Variants in SMG1 observed in about 807,000 individuals in gnomAD.
SMG1 encodes SMG1 nonsense mediated mRNA decay associated PI3K related kinase.
In SMG1, 22 loss-of-function variants were observed where a neutral mutation model predicts 419.9. That is an observed-to-expected ratio of 0.05 (90% CI 0.04 to 0.07). The LOEUF is 0.07. Ranked by LOEUF, SMG1 falls within the 10% of genes least tolerant of loss-of-function variation. The pLI is 1.00. For missense variants in SMG1, 3,185 were observed against 4,342.0 expected (o/e 0.73, Z 7.49); for synonymous variants, 1,538 against 1,553.5 (o/e 0.99, Z 0.23).
At chr16:18,864,442 C>T (rs896139626) in intron 23 of SMG1, among the ~76,000 whole-genome samples, 2 of 152,100 alleles carry the variant, frequency 1.3e-5, no homozygotes, top group African/African-American at 4.8e-5. Flanking sequence ...AGGTGATCCA[C>T]CTGCCTCGGC....
chr16:18,864,514 T>C (rs1310616164), intron 23 of SMG1, among the ~76,000 whole-genome samples: 1 of 152,018 alleles, frequency 6.6e-6, no homozygotes, highest in Non-Finnish European at 1.5e-5. Context: ...TACTTATTTT[T>C]TGAGACAGAG....
intron 22 of SMG1, among the ~76,000 whole-genome samples, chr16:18,867,930 G>C (rs1304672297): frequency 2.0e-5 from 3 of 151,640 alleles, no homozygotes; most frequent in Non-Finnish European, 2.9e-5. Context: ...GGATGGTCTC[G>C]ATCTCCTGAC....
chr16:18,834,581 A>G (rs2033432367), intron 49 of SMG1, 143 bp from the exon 50 acceptor site: 1 of 764,514 alleles, frequency 1.3e-6, no homozygotes, highest in Non-Finnish European at 2.1e-6. Flanking sequence ...GTTCGAGACC[A>G]GCCTGATCAA....
At chr16:18,906,575 C>T (rs1463269904) in intron 1 of SMG1, among the ~76,000 whole-genome samples, 2 of 152,154 alleles carry the variant, frequency 1.3e-5, no homozygotes, top group Admixed American at 6.5e-5. Context: ...CTTACTGTAA[C>T]TTTTCAAATA....
At chr16:18,854,010 CT>C (rs2034754794) in intron 30 of SMG1, 143 bp from the exon 31 acceptor site, 3 of 185,730 alleles carry the variant, frequency 1.6e-5, no homozygotes, top group Admixed American at 2.4e-4. Context: ...GCATAGGAGG[CT>C]CCTACTGTCT....
chr16:18,854,940 T>C, intron 29 of SMG1, 36 bp from the exon 30 acceptor site: 2 of 1,591,350 alleles, frequency 1.3e-6, no homozygotes, highest in South Asian at 2.3e-5. Flanking sequence ...GTTCCTAATT[T>C]GTCTAAACCA....
chr16:18,854,628 T>A (rs776935387), intron 30 of SMG1, 28 bp downstream of exon 30: 1 of 1,587,680 alleles, frequency 6.3e-7, no homozygotes, highest in Admixed American at 1.8e-5. Flanking sequence ...ATTATACTCA[T>A]GTATTAACCA....
chr16:18,914,679 TAAAG>T (rs1402300617), intron 1 of SMG1, among the ~76,000 whole-genome samples: 3 of 151,978 alleles, frequency 2.0e-5, no homozygotes, highest in Non-Finnish European at 4.4e-5. Flanking sequence ...TAAAATAAAA[TAAAG>T]AAATCTGTTG....
intron 56 of SMG1, among the ~76,000 whole-genome samples, chr16:18,818,860 A>G (rs142854099): frequency 0.014 from 1,824 of 133,618 alleles, 47 homozygotes; most frequent in African/African-American, 0.049. Context: ...TCTGTCACCC[A>G]GGCTGGAATT....
At chr16:18,839,424 A>G (rs759278425) in intron 42 of SMG1, among the ~76,000 whole-genome samples, 7 of 152,014 alleles carry the variant, frequency 4.6e-5, no homozygotes, top group Non-Finnish European at 2.9e-5. Context: ...GCTCCCACTT[A>G]TAAGTGAGAA....
intron 1 of SMG1, among the ~76,000 whole-genome samples, chr16:18,921,541 T>A (rs2038201204): frequency 6.6e-6 from 1 of 152,184 alleles, no homozygotes; most frequent in Non-Finnish European, 1.5e-5. Flanking sequence ...GAATTCTATT[T>A]GACTCTAGTT....
chr16:18,814,559 A>G (rs1363677866), intron 60 of SMG1, among the ~76,000 whole-genome samples: 1 of 151,922 alleles, frequency 6.6e-6, no homozygotes, highest in East Asian at 1.9e-4. Context: ...TTAGCAAAGC[A>G]TTTTTACTCT....
intron 1 of SMG1, among the ~76,000 whole-genome samples, chr16:18,900,952 T>C (rs2037320938): frequency 1.3e-5 from 2 of 152,202 alleles, no homozygotes; most frequent in Non-Finnish European, 2.9e-5. Context: ...CCCTGGGCCT[T>C]GTATCATTAC....
intron 1 of SMG1, among the ~76,000 whole-genome samples, chr16:18,906,270 G>A (rs747277097): frequency 2.6e-5 from 4 of 152,074 alleles, no homozygotes; most frequent in African/African-American, 7.2e-5. Flanking sequence ...ATCACTTGAG[G>A]TCAGGAGTTG....
At chr16:18,813,449 T>C (rs936302904) in intron 60 of SMG1, among the ~76,000 whole-genome samples, 2 of 152,242 alleles carry the variant, frequency 1.3e-5, no homozygotes, top group African/African-American at 4.8e-5. Context: ...CATGTGTCTG[T>C]TGGCTGCATA....
intron 30 of SMG1, 85 bp from the exon 31 acceptor site, chr16:18,853,952 C>T: frequency 8.0e-7 from 1 of 1,252,030 alleles, no homozygotes; most frequent in African/African-American, 1.5e-5. Context: ...CAAATATCAA[C>T]ATGGTGATGA....
In SMG1 at chr16:18,866,313, T is replaced by C. The variant is rs546246985; in HGVS notation, c.3350+308A>G. Reference sequence around the variant, plus strand: ...GAGCAAATACTCTGACAATAAAGGGTAATTTGTATCAGACTCTGAGGGGGA... The same window carrying C: ...GAGCAAATACTCTGACAATAAAGGGCAATTTGTATCAGACTCTGAGGGGGA... On this transcript the variant is annotated intron_variant, in intron 23 of 62. Coordinates refer to ENST00000446231, the MANE Select transcript of SMG1 (RefSeq NM_015092.5). 2.8e-4 allele frequency: 111 copies of C among 401,366 alleles called. 2 individuals carry two copies. Among genetic ancestry groups the C allele is most frequent in the South Asian group, 2.6e-3 (111 of 41,988 alleles). 24.9% of individuals were successfully genotyped at this position (401,366 alleles called of 1,614,324 possible). A position where few individuals can be genotyped will look rare whatever the true frequency, so the allele number is the denominator to read the frequency against.
At chr16:18,832,329 T>A (rs1163737303) in intron 51 of SMG1, among the ~76,000 whole-genome samples, 1 of 152,204 alleles carries the variant, frequency 6.6e-6, no homozygotes, top group Non-Finnish European at 1.5e-5. Context: ...AAAGTCAGAT[T>A]GCTTTTCTGG....
At chr16:18,859,811 A>G in intron 26 of SMG1, 108 bp from the exon 27 acceptor site, 2 of 700,754 alleles carry the variant, frequency 2.9e-6, no homozygotes, top group Non-Finnish European at 4.8e-6. Flanking sequence ...CTCCTTTAAT[A>G]TTTAAGGCAG....
Sources: allele counts gnomAD v4.1 joint callset (sites outside exome capture counted in the v4.1 genomes callset), GRCh38; gene constraint gnomAD v4.1.1; transcripts MANE v1.5; gene names NCBI Gene and HGNC (gene_info 2026-07-23, HGNC 2026-07-21).